SORCS3: variants seen among roughly 807,000 people sequenced by gnomAD.
SORCS3 encodes the protein VPS10 domain-containing receptor SorCS3.
Under a neutral mutation model 146.3 loss-of-function variants are expected in SORCS3, and 57 were observed. That is an observed-to-expected ratio of 0.39 (90% CI 0.31 to 0.49). SORCS3 has a LOEUF of 0.49. SORCS3 is among the 20% of genes least tolerant of loss of function. SORCS3 has a pLI of 0.92. For synonymous variants in SORCS3, 653 were observed against 618.5 expected (o/e 1.06, Z -0.83); for missense variants, 1,341 against 1,575.5 (o/e 0.85, Z 2.52).
rs1422382495 is a variant in SORCS3, at chr10:104,652,999, TAATC to T, written c.627+11048_627+11051del. Reference sequence around the variant, plus strand: ...GCATGCTTAGGAAATAACTTGAACATAATCAAGACCACAGTGAATGAAAATTAAT... The same window carrying T: ...GCATGCTTAGGAAATAACTTGAACATAAGACCACAGTGAATGAAAATTAAT... On this transcript the variant is annotated intron_variant, in intron 1 of 26. Coordinates refer to ENST00000369701, the MANE Select transcript of SORCS3 (RefSeq NM_014978.3). Among the ~76,000 whole-genome samples, 4 of 152,334 alleles carry T rather than the reference TAATC, an allele frequency of 2.6e-5. No individual in the cohort carries two copies. In the East Asian group the frequency reaches 5.8e-4, roughly 22 times the overall value.
At chr10:104,654,960 AAGT>A (rs914195193) in intron 1 of SORCS3, among the ~76,000 whole-genome samples, 50 of 152,302 alleles carry the variant, frequency 3.3e-4, no homozygotes, top group African/African-American at 1.2e-3. Flanking sequence ...CAACCAAAAG[AAGT>A]AGTTTTAGGC....
chr10:105,062,295 AG>A (rs753761979), intron 5 of SORCS3, among the ~76,000 whole-genome samples: 1 of 152,190 alleles, frequency 6.6e-6, no homozygotes, highest in Non-Finnish European at 1.5e-5. Context: ...CAGACTGTGT[AG>A]GTTTAAACTG....
At chr10:105,104,211 G>T (rs752881072) in intron 6 of SORCS3, among the ~76,000 whole-genome samples, 4 of 152,228 alleles carry the variant, frequency 2.6e-5, no homozygotes, top group Non-Finnish European at 4.4e-5. Flanking sequence ...AATAATGCAT[G>T]TGGTTTTAGA....
chr10:104,797,664 A>G (rs543356906), intron 1 of SORCS3, among the ~76,000 whole-genome samples: 1 of 152,324 alleles, frequency 6.6e-6, no homozygotes, highest in African/African-American at 2.4e-5. Flanking sequence ...CTAAAGTCAC[A>G]CAGTAGGTAA....
chr10:104,732,032 T>C (rs1273364215), intron 1 of SORCS3, among the ~76,000 whole-genome samples: 1 of 152,210 alleles, frequency 6.6e-6, no homozygotes, highest in African/African-American at 2.4e-5. Flanking sequence ...TTAGAAGGAA[T>C]AAATGAGATT....
chr10:105,120,193 A>G (rs2055921813), intron 7 of SORCS3, among the ~76,000 whole-genome samples: 1 of 151,956 alleles, frequency 6.6e-6, no homozygotes, highest in Non-Finnish European at 1.5e-5. Flanking sequence ...TTTACTTAGC[A>G]CTTCTCCTTC....
intron 3 of SORCS3, among the ~76,000 whole-genome samples, chr10:104,952,246 T>C (rs1218061135): frequency 1.0e-5 from 1 of 99,466 alleles, no homozygotes; most frequent in Non-Finnish European, 1.8e-5. Context: ...CTGGTGCACA[T>C]GAATGTTTGA....
At chr10:105,125,611 AT>A (rs2055967629) in intron 7 of SORCS3, among the ~76,000 whole-genome samples, 2 of 151,940 alleles carry the variant, frequency 1.3e-5, no homozygotes, top group South Asian at 4.2e-4. Context: ...GTAAGGGACA[AT>A]GAGTAAGTAC....
At chr10:105,077,744 C>T (rs1211108443) in intron 5 of SORCS3, among the ~76,000 whole-genome samples, 1 of 152,144 alleles carries the variant, frequency 6.6e-6, no homozygotes, top group Non-Finnish European at 1.5e-5. Context: ...GTTATGGTCT[C>T]GTAAACCAAT....
At chr10:104,663,476 C>A (rs1276305373) in intron 1 of SORCS3, among the ~76,000 whole-genome samples, 1 of 152,182 alleles carries the variant, frequency 6.6e-6, no homozygotes, top group Non-Finnish European at 1.5e-5. Flanking sequence ...TTTAGTTCAA[C>A]TTCTCCTCCA....
intron 2 of SORCS3, among the ~76,000 whole-genome samples, chr10:104,888,839 G>A (rs967358376): frequency 2.6e-5 from 4 of 152,286 alleles, no homozygotes; most frequent in Admixed American, 6.5e-5. Flanking sequence ...CTTGGGGAGT[G>A]ACTGAGTTGG....
rs149385984 is a variant in SORCS3, at chr10:104,936,100, C to T, written c.795+20168C>T. On this transcript the variant is annotated intron_variant, in intron 3 of 26. Coordinates refer to ENST00000369701, the MANE Select transcript of SORCS3 (RefSeq NM_014978.3). Reference sequence around the variant, plus strand: ...TGCAAAAGCAAAAAATATTTTTTGCCACCTGAAGGCCTAATCATGACAGTT... The same window carrying T: ...TGCAAAAGCAAAAAATATTTTTTGCTACCTGAAGGCCTAATCATGACAGTT... Among the ~76,000 whole-genome samples, 1,054 of 137,028 alleles carry T rather than the reference C, an allele frequency of 7.7e-3. 13 individuals carry two copies. Among genetic ancestry groups the T allele is most frequent in the African/African-American group, 0.032 (998 of 31,174 alleles). 89.9% of individuals were successfully genotyped at this position (137,028 alleles called of 152,430 possible).
At chr10:104,978,009 C>T (rs1406866884) in intron 4 of SORCS3, among the ~76,000 whole-genome samples, 5 of 152,054 alleles carry the variant, frequency 3.3e-5, no homozygotes, top group East Asian at 1.9e-4. Context: ...GGATTACAGG[C>T]GTGAGTCACC....
intron 4 of SORCS3, among the ~76,000 whole-genome samples, chr10:105,041,300 C>A (rs960577834): frequency 1.3e-5 from 2 of 148,708 alleles, no homozygotes; most frequent in Non-Finnish European, 3.0e-5. Context: ...CTTCCCCACA[C>A]TTTTCCCAAC....
intron 4 of SORCS3, among the ~76,000 whole-genome samples, chr10:105,000,311 T>C (rs1440832060): frequency 6.6e-6 from 1 of 151,410 alleles, no homozygotes; most frequent in African/African-American, 2.4e-5. Context: ...ATGGTACTTA[T>C]TTTTGTGTGG....
intron 20 of SORCS3, among the ~76,000 whole-genome samples, chr10:105,234,930 G>T (rs1243658153): frequency 6.6e-6 from 1 of 151,812 alleles, no homozygotes; most frequent in Admixed American, 6.6e-5. Flanking sequence ...TTTCTTCACA[G>T]CTGGACATGA....
chr10:104,912,008 T>C (rs929201043), intron 2 of SORCS3, among the ~76,000 whole-genome samples: 4 of 152,218 alleles, frequency 2.6e-5, no homozygotes, highest in African/African-American at 9.7e-5. Flanking sequence ...ACCTCTCCTC[T>C]GCCTCTGATA....
intron 4 of SORCS3, among the ~76,000 whole-genome samples, chr10:105,005,751 C>G (rs1361102769): frequency 6.6e-6 from 1 of 152,168 alleles, no homozygotes; most frequent in Non-Finnish European, 1.5e-5. Flanking sequence ...TCATCCAGCT[C>G]TCAGTTATAC....
At chr10:104,741,285 TA>T (rs1328948067) in intron 1 of SORCS3, among the ~76,000 whole-genome samples, 1 of 151,994 alleles carries the variant, frequency 6.6e-6, no homozygotes, top group Non-Finnish European at 1.5e-5. Flanking sequence ...CTTTTCTTTT[TA>T]ATCACCAGAA....
Sources: allele counts gnomAD v4.1 joint callset (sites outside exome capture counted in the v4.1 genomes callset), GRCh38; gene constraint gnomAD v4.1.1; transcripts MANE v1.5; gene names NCBI Gene and HGNC (gene_info 2026-07-23, HGNC 2026-07-21).